The following GPR176 variants were observed in gnomAD, a reference collection of about 807,000 sequenced individuals.
GPR176 encodes the protein G protein-coupled receptor 176, also known as G-protein coupled receptor 176.
GPR176 carries 26 observed loss-of-function variants against 35.4 expected under a neutral mutation model. The ratio of observed to expected loss-of-function variants is 0.74; its 90% CI spans 0.54 to 1.02. The LOEUF (loss-of-function observed/expected upper bound fraction) is 1.02, where lower values mean the gene tolerates loss of function less well. Among genes scored for constraint, GPR176 ranks in the 50% least tolerant of loss-of-function variants. GPR176 has a pLI of 0.00. For synonymous variants in GPR176, 278 were observed against 271.3 expected (o/e 1.02, Z -0.24); for missense variants, 597 against 665.3 (o/e 0.90, Z 1.13).
chr15:39,893,583 AT>A (rs1375380778), intron 1 of GPR176, among the ~76,000 whole-genome samples: 1 of 152,184 alleles, frequency 6.6e-6, no homozygotes, highest in Non-Finnish European at 1.5e-5. Flanking sequence ...CAAAGCCGCC[AT>A]TGTCATCCTG....
chr15:39,896,208 G>A (rs1004916446), intron 1 of GPR176, among the ~76,000 whole-genome samples: 2 of 151,552 alleles, frequency 1.3e-5, no homozygotes, highest in African/African-American at 4.8e-5. Flanking sequence ...ACATACATAT[G>A]CCACCACACC....
chr15:39,910,536 C>T (rs182772639), intron 1 of GPR176, among the ~76,000 whole-genome samples: 174 of 151,404 alleles, frequency 1.1e-3, no homozygotes, highest in Non-Finnish European at 2.0e-3. Context: ...CCAGCCTGGG[C>T]AACAAGAGCA....
At chr15:39,829,418 G>A in intron 1 of GPR176, 1 of 1,021,836 alleles carries the variant, frequency 9.8e-7, no homozygotes, top group Non-Finnish European at 1.2e-6. Context: ...GTAGAGTGAG[G>A]TTGCAGGATC....
At chr15:39,858,184 C>T (rs991617875) in intron 1 of GPR176, among the ~76,000 whole-genome samples, 5 of 151,866 alleles carry the variant, frequency 3.3e-5, no homozygotes, top group African/African-American at 4.8e-5. Context: ...ACTAGAAAAA[C>T]GGTGCTTACT....
chr15:39,801,245 A>AG lies in GPR176; in HGVS notation c.1434dup (p.Asn481GlnfsTer26), dbSNP rs1566931992. On this transcript the variant is annotated frameshift_variant, in exon 3 of 3. Coordinates refer to ENST00000561100, the MANE Select transcript of GPR176 (RefSeq NM_007223.3). LOFTEE classifies it high-confidence loss of function. ...ATCAGCTCTTCTGGGGTGTTGCCCA[A>AG]GGGGGGAAGCAGCCGCTTCTTGCTG... The AG allele has an allele frequency of 6.2e-7, 1 of 1,614,116 alleles. No homozygotes were observed. The highest frequency in any genetic ancestry group is 2.2e-5 in the East Asian group (1 of 44,876).
intron 1 of GPR176, among the ~76,000 whole-genome samples, chr15:39,893,331 T>A (rs866783278): frequency 5.3e-5 from 8 of 152,030 alleles, no homozygotes; most frequent in Admixed American, 1.3e-4. Context: ...CCTTCAAGCA[T>A]CTGTTTAACA....
At chr15:39,885,887 C>G (rs2032656208) in intron 1 of GPR176, among the ~76,000 whole-genome samples, 1 of 152,166 alleles carries the variant, frequency 6.6e-6, no homozygotes, top group South Asian at 2.1e-4. Context: ...ATAGACAATT[C>G]AATGCAATTT....
chr15:39,859,925 C>T (rs557155999), intron 1 of GPR176, among the ~76,000 whole-genome samples: 1 of 151,104 alleles, frequency 6.6e-6, no homozygotes, highest in South Asian at 2.1e-4. Context: ...GAACTACATA[C>T]TTAAAAATGG....
At chr15:39,895,286 AGGAAGAGGGGGAGG>A (rs2033075946) in intron 1 of GPR176, among the ~76,000 whole-genome samples, 7 of 14,398 alleles carry the variant, frequency 4.9e-4, no homozygotes, top group Non-Finnish European at 3.3e-4. Flanking sequence ...CCGTGGGGAG[AGGAAGAGGGGGAGG>A]GGGAGGGGGA....
chr15:39,903,910 T>C (rs1186173797), intron 1 of GPR176, among the ~76,000 whole-genome samples: 1 of 152,142 alleles, frequency 6.6e-6, no homozygotes, highest in Non-Finnish European at 1.5e-5. Context: ...AATAAAAGAA[T>C]AAAAGGATGG....
intron 2 of GPR176, 25 bp from the exon 3 acceptor site, chr15:39,802,279 A>AT: frequency 6.6e-7 from 1 of 1,525,370 alleles, no homozygotes; most frequent in Non-Finnish European, 8.9e-7. Context: ...AACAAAATTA[A>AT]TTCCACAGAA....
Position 39,841,232 on chromosome 15 carries a change from A to G in GPR176, c.173-33974T>C, listed in dbSNP as rs182627348. Reference sequence around the variant, plus strand: ...CCATTAAGGCTTGACAATGGTCATAATAACGACCAATACATATTGATGATG... The same window carrying G: ...CCATTAAGGCTTGACAATGGTCATAGTAACGACCAATACATATTGATGATG... On this transcript the variant is annotated intron_variant, in intron 1 of 2. Coordinates refer to ENST00000561100, the MANE Select transcript of GPR176 (RefSeq NM_007223.3). Among the ~76,000 whole-genome samples the G allele has an allele frequency of 3.5e-3, 540 of 152,288 alleles. 4 individuals carry two copies. The highest frequency in any genetic ancestry group is 4.6e-3 in the Non-Finnish European group (311 of 68,008).
chr15:39,867,816 C>T (rs901637365), intron 1 of GPR176, among the ~76,000 whole-genome samples: 4 of 152,018 alleles, frequency 2.6e-5, no homozygotes, highest in African/African-American at 9.7e-5. Context: ...CAGAGTATCC[C>T]GACCACCATC....
At chr15:39,888,617 T>C (rs1046449998) in intron 1 of GPR176, among the ~76,000 whole-genome samples, 1 of 152,180 alleles carries the variant, frequency 6.6e-6, no homozygotes, top group African/African-American at 2.4e-5. Context: ...TTAATCTACC[T>C]TTTGTTACAA....
intron 1 of GPR176, among the ~76,000 whole-genome samples, chr15:39,863,776 T>C (rs923834897): frequency 2.6e-5 from 4 of 152,212 alleles, no homozygotes; most frequent in Non-Finnish European, 5.9e-5. Flanking sequence ...ACACAAATAC[T>C]TAACCACTGT....
rs557638324 is a variant in GPR176 at position 39,909,242 on chromosome 15, G to A, written c.172+10613C>T. Among the ~76,000 whole-genome samples, 36 of 152,320 alleles carry A rather than the reference G, an allele frequency of 2.4e-4. No individual in the cohort carries two copies. In the South Asian group the frequency reaches 7.3e-3, roughly 31 times the overall value. Reference sequence around the variant, plus strand: ...CAGATTCTCTCTGTAAGGTCAGGGAGATGATGGATGCCTCTGGTTCTTCTG... The same window carrying A: ...CAGATTCTCTCTGTAAGGTCAGGGAAATGATGGATGCCTCTGGTTCTTCTG... On this transcript the variant is annotated intron_variant, in intron 1 of 2. Transcript: ENST00000561100.
chr15:39,824,585 G>A (rs185986185), intron 1 of GPR176, among the ~76,000 whole-genome samples: 30 of 152,328 alleles, frequency 2.0e-4, no homozygotes, highest in African/African-American at 7.2e-4. Context: ...GTTTTATGAA[G>A]GTAGGGATCT....
In GPR176 at chr15:39,865,927, G is replaced by C. The variant is rs190007805; in HGVS notation, c.172+53928C>G. Reference sequence around the variant, plus strand: ...TATTCATTGTAGCATTAGTTGTAACGGTGAAAGACTGGAAACAAAACAGAT... The same window carrying C: ...TATTCATTGTAGCATTAGTTGTAACCGTGAAAGACTGGAAACAAAACAGAT... On this transcript the variant is annotated intron_variant, in intron 1 of 2. Coordinates refer to ENST00000561100, the MANE Select transcript of GPR176 (RefSeq NM_007223.3). 4.7e-4 allele frequency among the ~76,000 whole-genome samples: 72 copies of C among 151,990 alleles called. 2 individuals are homozygous for C. In the South Asian group the frequency reaches 0.014, roughly 29 times the overall value.
At chr15:39,822,674 C>T (rs1900354284) in intron 1 of GPR176, among the ~76,000 whole-genome samples, 1 of 152,192 alleles carries the variant, frequency 6.6e-6, no homozygotes, top group African/African-American at 2.4e-5. Context: ...AAGTAAATCT[C>T]CTTTTTATTC....
Sources: allele counts gnomAD v4.1 joint callset (sites outside exome capture counted in the v4.1 genomes callset), GRCh38; gene constraint gnomAD v4.1.1; transcripts MANE v1.5; gene names NCBI Gene and HGNC (gene_info 2026-07-23, HGNC 2026-07-21).